Variants in SLC9B2 observed in about 807,000 individuals in gnomAD.
The protein encoded by SLC9B2 is solute carrier family 9 member B2, also known as sodium/hydrogen exchanger 9B2.
In SLC9B2, 39 loss-of-function variants were observed where a neutral mutation model predicts 52.2. The observed-to-expected ratio is 0.75, with a 90% CI of 0.58 to 0.98. SLC9B2 has a LOEUF of 0.98. Ranked by LOEUF, SLC9B2 falls within the 50% of genes least tolerant of loss-of-function variation. SLC9B2 has a pLI of 0.00. For missense variants in SLC9B2, 626 were observed against 637.5 expected, an observed-to-expected ratio of 0.98 and a Z score of 0.19; for synonymous variants, 214 against 227.0, an observed-to-expected ratio of 0.94 and a Z score of 0.51.
Position 103,024,581 on chromosome 4 carries a change from C to A in SLC9B2, c.*1789G>T, listed in dbSNP as rs1430170839. 6.6e-6 allele frequency among the ~76,000 whole-genome samples: 1 copy of A among 152,158 alleles called. No homozygotes were observed. The highest frequency in any genetic ancestry group is 1.5e-5 in the Non-Finnish European group (1 of 68,036). ...ATGGACAGGCTTTATTTATGCAGAT[C>A]AGCTTGGTGGGATTAGGATATTCAT... On this transcript the variant is annotated 3_prime_UTR_variant, in exon 12 of 12. Transcript: ENST00000394785.
downstream of SLC9B2, chr4:103,019,858 C>T (rs1741668438): frequency 1.0e-6 from 1 of 985,688 alleles, no homozygotes; most frequent in African/African-American, 1.7e-5. Context: ...TTCCTTTCGA[C>T]GTCTCTTCTG....
chr4:103,044,555 A>C (rs1743934289), intron 8 of SLC9B2, among the ~76,000 whole-genome samples: 2 of 152,194 alleles, frequency 1.3e-5, no homozygotes, highest in Non-Finnish European at 2.9e-5. Flanking sequence ...TTGATACTAA[A>C]AAAGGGCACA....
At chr4:103,069,476 A>G (rs1444251833) in intron 1 of SLC9B2, among the ~76,000 whole-genome samples, 1 of 152,254 alleles carries the variant, frequency 6.6e-6, no homozygotes, top group East Asian at 1.9e-4. Context: ...AAATGGAGAC[A>G]AGAATAGTTC....
chr4:103,038,877 C>G (rs1324580168), intron 9 of SLC9B2, among the ~76,000 whole-genome samples: 1 of 152,026 alleles, frequency 6.6e-6, no homozygotes, highest in Non-Finnish European at 1.5e-5. Flanking sequence ...CTGAATACAA[C>G]AAACAAATGG....
chr4:103,043,153 C>G lies in SLC9B2; in HGVS notation c.1146+143G>C, dbSNP rs559693273. On this transcript the variant is annotated intron_variant, in intron 9 of 11. Transcript: ENST00000394785. ...TGTAAGGGGAAAAAAAAGATGAACA[C>G]TGGGTGTACATTTGTATATGCACAT... 4 of 830,042 alleles carry G rather than the reference C, an allele frequency of 4.8e-6. No individual in the cohort carries two copies. The East Asian group carries it at 1.2e-4, about 24-fold the overall frequency. The allele number at this position is 830,042 out of a possible 1,614,324, so 51.4% of individuals were successfully genotyped here.
downstream of SLC9B2, among the ~76,000 whole-genome samples, chr4:103,019,331 T>A (rs1193087064): frequency 1.3e-5 from 2 of 152,158 alleles, no homozygotes; most frequent in African/African-American, 4.8e-5. Context: ...TCTTTCTTAC[T>A]GGCGAGTATT....
At chr4:103,026,778 G>T (rs1333584045) in intron 11 of SLC9B2, among the ~76,000 whole-genome samples, 187 bp from the exon 12 acceptor site, 1 of 152,096 alleles carries the variant, frequency 6.6e-6, no homozygotes, top group Non-Finnish European at 1.5e-5. Context: ...CATGGCACAT[G>T]TATACATATA....
At chr4:103,032,132 T>C (rs559336269) in intron 9 of SLC9B2, among the ~76,000 whole-genome samples, 7 of 152,264 alleles carry the variant, frequency 4.6e-5, no homozygotes, top group Admixed American at 1.3e-4. Context: ...TATTGTAATA[T>C]ATAGTAGTGT....
intron 9 of SLC9B2, among the ~76,000 whole-genome samples, chr4:103,033,539 AC>A (rs1742887831): frequency 1.3e-5 from 2 of 152,206 alleles, no homozygotes; most frequent in African/African-American, 4.8e-5. Context: ...CAAGAATAGT[AC>A]AGAGATACTA....
chr4:103,067,542 A>C lies in SLC9B2; in HGVS notation c.9T>G (p.Asp3Glu), dbSNP rs1489472564. Reference protein sequence around the residue: MGDEDKRITYEDS... With the variant: MGEEDKRITYEDS... ...CTTCATATGTAATTCTTTTATCTTC[A>C]TCCCCCATTATTTATAATTAAGAAG... Residue 3 changes from aspartate (D) to glutamate (E), a missense_variant, in exon 2 of 12, where the codon GAT (aspartate) becomes GAG (glutamate). Asp to Glu is a conservative substitution (Grantham distance 45, BLOSUM62 2). Coordinates refer to ENST00000394785, the MANE Select transcript of SLC9B2 (RefSeq NM_178833.7). The C allele has an allele frequency of 5.6e-6, 9 of 1,608,252 alleles. No homozygotes were observed. The highest frequency in any genetic ancestry group is 6.0e-6 in the Non-Finnish European group (7 of 1,175,192).
chr4:103,032,476 C>A (rs1742793437), intron 9 of SLC9B2, among the ~76,000 whole-genome samples: 1 of 149,720 alleles, frequency 6.7e-6, no homozygotes, highest in Admixed American at 6.8e-5. Context: ...TGGAGCTGGG[C>A]CTTTAAAATA....
chr4:103,067,350 G>C, intron 2 of SLC9B2, 111 bp downstream of exon 2: 1 of 916,516 alleles, frequency 1.1e-6, no homozygotes. Context: ...TGTTAGCTGG[G>C]AAAACTGGTA....
rs1485517901 is a variant in SLC9B2 at position 103,023,639 on chromosome 4, G to C, written c.*2731C>G. 6.6e-6 allele frequency among the ~76,000 whole-genome samples: 1 copy of C among 152,180 alleles called. No individual in the cohort carries two copies. Among genetic ancestry groups the C allele is most frequent in the African/African-American group, 2.4e-5 (1 of 41,432 alleles). On this transcript the variant is annotated 3_prime_UTR_variant, in exon 12 of 12. Transcript: ENST00000394785. ...TCCAGGAATAGGCACAAATTTCAGA[G>C]ATCCAATAGAGGAAGTCAAAAAGCC...
chr4:103,049,448 C>T (rs1418122459), intron 5 of SLC9B2, among the ~76,000 whole-genome samples: 1 of 151,972 alleles, frequency 6.6e-6, no homozygotes, highest in Non-Finnish European at 1.5e-5. Context: ...GAGCCTGATC[C>T]CCCAAGAAAA....
rs1018731622 is a variant in SLC9B2, at chr4:103,023,590, A to C, written c.*2780T>G. ...ATAACAGCAACATAGTCTTATAGCAATTAATAAATTCCTACAAAGAGCTTC... is the reference window on the plus strand; with the variant it reads ...ATAACAGCAACATAGTCTTATAGCACTTAATAAATTCCTACAAAGAGCTTC... On this transcript the variant is annotated 3_prime_UTR_variant, in exon 12 of 12. Transcript: ENST00000394785. 1.3e-5 allele frequency among the ~76,000 whole-genome samples: 2 copies of C among 152,198 alleles called. No homozygotes were observed. Among genetic ancestry groups the C allele is most frequent in the South Asian group, 4.1e-4 (2 of 4,828 alleles).
chr4:103,047,260 C>G, intron 6 of SLC9B2, 34 bp from the exon 7 acceptor site: 1 of 1,550,520 alleles, frequency 6.4e-7, no homozygotes, highest in Non-Finnish European at 8.8e-7. Flanking sequence ...TTTATGATAA[C>G]ATCTTACTTA....
intron 1 of SLC9B2, among the ~76,000 whole-genome samples, chr4:103,068,985 C>T (rs1401963210): frequency 1.3e-5 from 2 of 152,208 alleles, no homozygotes; most frequent in Admixed American, 1.3e-4. Flanking sequence ...TTCCTACTTA[C>T]AAAACACATG....
chr4:103,028,345 TA>T (rs1742406460), intron 11 of SLC9B2, among the ~76,000 whole-genome samples: 1 of 152,176 alleles, frequency 6.6e-6, no homozygotes, highest in South Asian at 2.1e-4. Context: ...ATATTAACAT[TA>T]AAATATCTCC....
At chr4:103,061,780 CT>C (rs1413449299) in intron 3 of SLC9B2, among the ~76,000 whole-genome samples, 1 of 152,206 alleles carries the variant, frequency 6.6e-6, no homozygotes, top group African/African-American at 2.4e-5. Context: ...TCCCTGTTTT[CT>C]TGACAGATCA....
Sources: allele counts gnomAD v4.1 joint callset (sites outside exome capture counted in the v4.1 genomes callset), GRCh38; gene constraint gnomAD v4.1.1; transcripts MANE v1.5; gene names NCBI Gene and HGNC (gene_info 2026-07-23, HGNC 2026-07-21).